The following MARCHF11 variants were observed in gnomAD, a reference collection of about 807,000 sequenced individuals.
MARCHF11 encodes the protein E3 ubiquitin-protein ligase MARCHF11.
MARCHF11 carries 29 observed loss-of-function variants against 37.3 expected under a neutral mutation model. That is an observed-to-expected ratio of 0.78 (90% CI 0.58 to 1.06). The LOEUF is 1.06. MARCHF11 is among the 50% of genes least tolerant of loss of function. The pLI is 0.00. For missense variants in MARCHF11, 482 were observed against 533.4 expected (o/e 0.90, Z 0.95); for synonymous variants, 233 against 228.0 (o/e 1.02, Z -0.20).
At chr5:16,104,094 A>C (rs995849926) in intron 2 of MARCHF11, among the ~76,000 whole-genome samples, 2 of 152,222 alleles carry the variant, frequency 1.3e-5, no homozygotes, top group African/African-American at 4.8e-5. Flanking sequence ...TCAGAAAACC[A>C]GAGACTTCGT....
chr5:16,146,233 G>A (rs565795470), intron 2 of MARCHF11, among the ~76,000 whole-genome samples: 1 of 152,246 alleles, frequency 6.6e-6, no homozygotes, highest in African/African-American at 2.4e-5. Context: ...TAAAGGAGCA[G>A]GCAGTGTCCC....
At chr5:16,089,741 T>C (rs924458567) in intron 3 of MARCHF11, among the ~76,000 whole-genome samples, 41 of 152,350 alleles carry the variant, frequency 2.7e-4, no homozygotes, top group African/African-American at 9.6e-4. Context: ...GATCTCAAAG[T>C]TATTCAATGT....
chr5:16,067,501 C>A lies in MARCHF11; in HGVS notation c.1179G>T (p.Gly393=), dbSNP rs1736367068. 6.2e-7 allele frequency: 1 copy of A among 1,613,710 alleles called. No individual in the cohort carries two copies. Among genetic ancestry groups the A allele is most frequent in the Admixed American group, 1.7e-5 (1 of 59,998 alleles). Reference sequence around the variant, plus strand: ...CTGAAGTCACTCTCATCACAACCTCCCCCGAGCTGTTATCTTCTGATAAGT... The same window carrying A: ...CTGAAGTCACTCTCATCACAACCTCACCCGAGCTGTTATCTTCTGATAAGT... The part of the protein sequence containing the change: ...HEDLSEDNSS[G]EVVMRVTSV The change falls in exon 4 of 4, where the codon GGG becomes GGT. Residue 393 remains glycine, a synonymous_variant. Transcript: ENST00000332432.
At chr5:16,174,288 G>C (rs185747437) in intron 2 of MARCHF11, among the ~76,000 whole-genome samples, 2 of 152,330 alleles carry the variant, frequency 1.3e-5, no homozygotes, top group African/African-American at 4.8e-5. Flanking sequence ...TCTGCCAGTA[G>C]ATAGGAAGGT....
chr5:16,144,746 A>C (rs1336866953), intron 2 of MARCHF11, among the ~76,000 whole-genome samples: 1 of 152,246 alleles, frequency 6.6e-6, no homozygotes, highest in Non-Finnish European at 1.5e-5. Context: ...ATCACTTCAC[A>C]GTGCAAACAC....
At chr5:16,160,910 A>G (rs76766908) in intron 2 of MARCHF11, among the ~76,000 whole-genome samples, 37 of 152,120 alleles carry the variant, frequency 2.4e-4, no homozygotes, top group African/African-American at 8.9e-4. Flanking sequence ...AGTTCGTGTG[A>G]AACACTAGAG....
At chr5:16,094,783 G>A (rs979175067) in intron 2 of MARCHF11, among the ~76,000 whole-genome samples, 1 of 152,130 alleles carries the variant, frequency 6.6e-6, no homozygotes, top group Non-Finnish European at 1.5e-5. Flanking sequence ...TAGTGCACTA[G>A]AAGAAGTAAT....
intron 2 of MARCHF11, among the ~76,000 whole-genome samples, chr5:16,144,054 A>G (rs539103168): frequency 6.6e-6 from 1 of 152,322 alleles, no homozygotes; most frequent in Admixed American, 6.5e-5. Flanking sequence ...AGTAATCCAG[A>G]ATAAACTGCT....
chr5:16,070,537 C>T (rs1310701475), intron 3 of MARCHF11, among the ~76,000 whole-genome samples: 1 of 152,200 alleles, frequency 6.6e-6, no homozygotes, highest in African/African-American at 2.4e-5. Context: ...GAGGAAACTA[C>T]TGACTTTGCA....
chr5:16,152,888 T>C (rs1252708016), intron 2 of MARCHF11, among the ~76,000 whole-genome samples: 1 of 152,026 alleles, frequency 6.6e-6, no homozygotes, highest in Non-Finnish European at 1.5e-5. Context: ...TATGTTAATG[T>C]AATATGATAA....
chr5:16,084,250 A>G (rs181645528), intron 3 of MARCHF11, among the ~76,000 whole-genome samples: 1 of 152,366 alleles, frequency 6.6e-6, no homozygotes. Flanking sequence ...CCAACTGGTA[A>G]TTCAAAGTAG....
chr5:16,101,335 C>T (rs977813095), intron 2 of MARCHF11, among the ~76,000 whole-genome samples: 1 of 152,118 alleles, frequency 6.6e-6, no homozygotes, highest in Non-Finnish European at 1.5e-5. Flanking sequence ...GAGATCGTGC[C>T]ACTGCACTCC....
chr5:16,080,799 T>G (rs1736596767), intron 3 of MARCHF11, among the ~76,000 whole-genome samples: 1 of 152,124 alleles, frequency 6.6e-6, no homozygotes, highest in Non-Finnish European at 1.5e-5. Flanking sequence ...TTATAATATT[T>G]CTCACTTTTT....
intron 3 of MARCHF11, among the ~76,000 whole-genome samples, chr5:16,072,894 A>ACTC (rs1274317580): frequency 6.6e-6 from 1 of 151,984 alleles, no homozygotes; most frequent in African/African-American, 2.4e-5. Context: ...CTTCACCTGC[A>ACTC]CTCCTAGAGG....
At chr5:16,119,805 G>A (rs1281032630) in intron 2 of MARCHF11, among the ~76,000 whole-genome samples, 1 of 152,142 alleles carries the variant, frequency 6.6e-6, no homozygotes, top group Non-Finnish European at 1.5e-5. Flanking sequence ...CCAAGGCTCT[G>A]TGTTTTATTA....
chr5:16,167,492 A>G (rs1738190890), intron 2 of MARCHF11, among the ~76,000 whole-genome samples: 1 of 152,082 alleles, frequency 6.6e-6, no homozygotes, highest in South Asian at 2.1e-4. Context: ...TGTTCTAGTC[A>G]GGCTTTGAAC....
intron 3 of MARCHF11, among the ~76,000 whole-genome samples, chr5:16,069,624 T>C (rs926711882): frequency 1.3e-5 from 2 of 151,824 alleles, no homozygotes; most frequent in Non-Finnish European, 2.9e-5. Flanking sequence ...GCAGTAAGGA[T>C]AGGATAGAGA....
Position 16,179,310 on chromosome 5 carries a change from AG to A in MARCHF11, c.265del (p.Leu89CysfsTer95). 2.4e-6 allele frequency: 3 copies of A among 1,247,820 alleles called. No homozygotes were observed. The highest frequency in any genetic ancestry group is 5.3e-5 in the South Asian group (2 of 37,724). 77.3% of individuals were successfully genotyped at this position (1,247,820 alleles called of 1,614,324 possible). A position where few individuals can be genotyped will look rare whatever the true frequency, so the allele number is the denominator to read the frequency against. On this transcript the variant is annotated frameshift_variant, in exon 1 of 4. Transcript: ENST00000332432. LOFTEE classifies it high-confidence loss of function. ...ADELPPPPLP[L>X]QPAGQEVAAA... Reference sequence around the variant, plus strand: ...CGCCACTTCCTGGCCGGCGGGCTGCAGGGGCAGGGGCGGAGGCGGCAGCTCG... The same window carrying A: ...CGCCACTTCCTGGCCGGCGGGCTGCAGGGCAGGGGCGGAGGCGGCAGCTCG...
At chr5:16,106,087 C>A (rs1464768686) in intron 2 of MARCHF11, among the ~76,000 whole-genome samples, 1 of 152,136 alleles carries the variant, frequency 6.6e-6, no homozygotes, top group Non-Finnish European at 1.5e-5. Context: ...GACATCAATG[C>A]AAGCTAAAAC....
Sources: allele counts gnomAD v4.1 joint callset (sites outside exome capture counted in the v4.1 genomes callset), GRCh38; gene constraint gnomAD v4.1.1; transcripts MANE v1.5; gene names NCBI Gene and HGNC (gene_info 2026-07-23, HGNC 2026-07-21).